The following PRDM1 variants were observed in gnomAD, a reference collection of about 807,000 sequenced individuals.
PRDM1 encodes the protein PR/SET domain 1.
Under a neutral mutation model 62.8 loss-of-function variants are expected in PRDM1, and 13 were observed. That is an observed-to-expected ratio of 0.21 (90% confidence interval 0.13 to 0.33). PRDM1 has a LOEUF of 0.33. Ranked by LOEUF, PRDM1 falls within the 10% of genes least tolerant of loss-of-function variation. The probability of loss-of-function intolerance (pLI) is 1.00; values close to 1 mark genes in which losing one functional copy is unlikely to be tolerated. For synonymous variants in PRDM1, 396 were observed against 417.6 expected (o/e 0.95, Z 0.63); for missense variants, 895 against 1,058.8 (o/e 0.85, Z 2.15).
intron 1 of PRDM1, among the ~76,000 whole-genome samples, chr6:106,051,861 C>T (rs1773179639): frequency 6.6e-6 from 1 of 152,218 alleles, no homozygotes; most frequent in African/African-American, 2.4e-5. Flanking sequence ...TTAATTTTTC[C>T]ATGTGTAAAT....
intron 1 of PRDM1, among the ~76,000 whole-genome samples, chr6:106,043,380 T>C (rs935580606): frequency 3.9e-5 from 6 of 152,324 alleles, no homozygotes; most frequent in African/African-American, 1.2e-4. Flanking sequence ...ACCCACTGCT[T>C]AGCACAGTGC....
chr6:106,064,208 G>C (rs1713478202), intron 1 of PRDM1, among the ~76,000 whole-genome samples: 1 of 152,208 alleles, frequency 6.6e-6, no homozygotes, highest in African/African-American at 2.4e-5. Flanking sequence ...GCCTGGCCCA[G>C]GTGGTGAAAG....
intron 1 of PRDM1, among the ~76,000 whole-genome samples, chr6:106,043,188 C>G (rs1773028246): frequency 6.6e-6 from 1 of 152,170 alleles, no homozygotes; most frequent in African/African-American, 2.4e-5. Flanking sequence ...TAAAAGTCAC[C>G]TCACAGAGTG....
At chr6:106,000,666 G>A (rs746265935) in intron 1 of PRDM1, among the ~76,000 whole-genome samples, 2 of 151,946 alleles carry the variant, frequency 1.3e-5, no homozygotes, top group Admixed American at 6.6e-5. Flanking sequence ...GACATAAATA[G>A]TATCATCATA....
At chr6:105,993,205 T>C (rs888767170), upstream of PRDM1, among the ~76,000 whole-genome samples, 1 of 152,240 alleles carries the variant, frequency 6.6e-6, no homozygotes, top group Non-Finnish European at 1.5e-5. Context: ...AGTATCTTAA[T>C]TTAAAGGAAC....
chr6:106,019,417 GT>G (rs1008934064), intron 1 of PRDM1, among the ~76,000 whole-genome samples: 2 of 151,330 alleles, frequency 1.3e-5, no homozygotes, highest in African/African-American at 4.9e-5. Flanking sequence ...CTCATACTGA[GT>G]TTATAGCTTT....
intron 1 of PRDM1, among the ~76,000 whole-genome samples, chr6:106,007,602 C>A (rs1582423620): frequency 6.6e-6 from 1 of 152,232 alleles, no homozygotes; most frequent in East Asian, 1.9e-4. Flanking sequence ...ATTCTTGGTA[C>A]TTTTAATTTT....
At chr6:105,997,963 A>G (rs1772369851) in intron 1 of PRDM1, among the ~76,000 whole-genome samples, 1 of 152,244 alleles carries the variant, frequency 6.6e-6, no homozygotes, top group Admixed American at 6.5e-5. Context: ...GCTCAAGCAG[A>G]ATTAAAAAGT....
intron 1 of PRDM1, among the ~76,000 whole-genome samples, chr6:106,059,003 C>A (rs775253797): frequency 6.6e-6 from 1 of 152,156 alleles, no homozygotes; most frequent in Non-Finnish European, 1.5e-5. Flanking sequence ...GTCAGTAATT[C>A]TTTTCATCCT....
chr6:106,007,952 T>C (rs1328768474), intron 1 of PRDM1, among the ~76,000 whole-genome samples: 1 of 152,248 alleles, frequency 6.6e-6, no homozygotes, highest in Non-Finnish European at 1.5e-5. Flanking sequence ...TCAATGTTTG[T>C]TCCACGAAAA....
chr6:106,012,463 C>G (rs750311584), intron 1 of PRDM1, among the ~76,000 whole-genome samples: 14 of 151,212 alleles, frequency 9.3e-5, no homozygotes, highest in Non-Finnish European at 1.5e-4. Flanking sequence ...ATATCACACC[C>G]CTCCACATTC....
chr6:106,105,994 C>T, intron 5 of PRDM1, 61 bp downstream of exon 5: 1 of 1,550,430 alleles, frequency 6.4e-7, no homozygotes, highest in African/African-American at 1.4e-5. Context: ...TTGTATTTAG[C>T]TTGCTTTCCA....
chr6:106,054,260 G>A (rs894603536), intron 1 of PRDM1, among the ~76,000 whole-genome samples: 3 of 152,116 alleles, frequency 2.0e-5, no homozygotes, highest in Admixed American at 1.3e-4. Flanking sequence ...TTTACAAAAT[G>A]AATTTTAAAT....
intron 1 of PRDM1, among the ~76,000 whole-genome samples, chr6:106,025,063 G>C (rs1450593139): frequency 2.0e-5 from 3 of 152,118 alleles, no homozygotes; most frequent in Non-Finnish European, 4.4e-5. Flanking sequence ...AAAATTAATG[G>C]TTTAAAAATA....
chr6:106,060,726 TAGG>T (rs1773332339), intron 1 of PRDM1, among the ~76,000 whole-genome samples: 1 of 151,852 alleles, frequency 6.6e-6, no homozygotes, highest in Admixed American at 6.6e-5. Flanking sequence ...GAAGACTAAA[TAGG>T]AGGAGGTTAG....
chr6:106,105,573 C>T lies in PRDM1; in HGVS notation c.1413C>T (p.Pro471=), dbSNP rs758963916. 6.2e-7 allele frequency: 1 copy of T among 1,612,834 alleles called. No homozygotes were observed. Among genetic ancestry groups the T allele is most frequent in the African/African-American group, 1.3e-5 (1 of 74,908 alleles). Residue 471 remains proline (P), a synonymous_variant, in exon 5 of 7, where the codon CCC becomes CCT. Coordinates refer to ENST00000369096, the MANE Select transcript of PRDM1 (RefSeq NM_001198.4). Reference sequence around the variant, plus strand: ...CCACTTCTCTCCCGAGCTCGCTGCCCTCAGATGGAGCCCGGAGGTTGCTCC... The same window carrying T: ...CCACTTCTCTCCCGAGCTCGCTGCCTTCAGATGGAGCCCGGAGGTTGCTCC... The part of the protein sequence containing the change: ...LNPTSLPSSL[P]SDGARRLLQP...
intron 1 of PRDM1, among the ~76,000 whole-genome samples, chr6:106,055,544 T>C (rs1163906428): frequency 6.6e-6 from 1 of 152,202 alleles, no homozygotes; most frequent in African/African-American, 2.4e-5. Flanking sequence ...ATGGAGTATG[T>C]GTCCCCTTGA....
At chr6:106,021,299 AT>A (rs1772693840) in intron 1 of PRDM1, among the ~76,000 whole-genome samples, 1 of 152,160 alleles carries the variant, frequency 6.6e-6, no homozygotes, top group East Asian at 1.9e-4. Flanking sequence ...CCCTACTCTT[AT>A]TCCAATTTCA....
chr6:105,997,213 T>C (rs1342645533), intron 1 of PRDM1, among the ~76,000 whole-genome samples: 2 of 152,224 alleles, frequency 1.3e-5, no homozygotes, highest in African/African-American at 4.8e-5. Context: ...CAACTTCTTT[T>C]CATAGCAGTT....
Sources: allele counts gnomAD v4.1 joint callset (sites outside exome capture counted in the v4.1 genomes callset), GRCh38; gene constraint gnomAD v4.1.1; transcripts MANE v1.5; gene names NCBI Gene and HGNC (gene_info 2026-07-23, HGNC 2026-07-21).